The following PXDNL variants were observed in gnomAD, a reference collection of about 807,000 sequenced individuals.
PXDNL encodes peroxidasin like, also known as probable oxidoreductase PXDNL.
Under a neutral mutation model 150.8 loss-of-function variants are expected in PXDNL, and 145 were observed. The observed-to-expected ratio is 0.96, with a 90% CI of 0.84 to 1.10. The LOEUF (loss-of-function observed/expected upper bound fraction) is 1.10. PXDNL is among the 50% of genes least tolerant of loss of function. PXDNL has a pLI of 0.00. For missense variants in PXDNL, 2,087 were observed against 1,873.9 expected (o/e 1.11, Z -2.10); for synonymous variants, 757 against 725.7 (o/e 1.04, Z -0.69).
chr8:51,425,017 A>G (rs1023895136), intron 13 of PXDNL, among the ~76,000 whole-genome samples: 1 of 152,224 alleles, frequency 6.6e-6, no homozygotes, highest in Non-Finnish European at 1.5e-5. Flanking sequence ...TGCACAGGTC[A>G]CAGGGCCTAG....
chr8:51,780,364 T>C (rs2037398823), intron 1 of PXDNL, among the ~76,000 whole-genome samples: 1 of 152,174 alleles, frequency 6.6e-6, no homozygotes, highest in Non-Finnish European at 1.5e-5. Context: ...ATATATTTTC[T>C]CAAAGAAAAT....
chr8:51,608,700 G>A (rs747092753), intron 2 of PXDNL, among the ~76,000 whole-genome samples: 87 of 151,440 alleles, frequency 5.7e-4, no homozygotes, highest in Non-Finnish European at 1.0e-3. Flanking sequence ...AGCCGGGCGT[G>A]GTGGTGGGTG....
At chr8:51,745,180 C>T (rs2036969514) in intron 1 of PXDNL, among the ~76,000 whole-genome samples, 1 of 152,024 alleles carries the variant, frequency 6.6e-6, no homozygotes, top group Non-Finnish European at 1.5e-5. Flanking sequence ...ATACCAAGTG[C>T]CTATAAGATA....
chr8:51,355,577 A>G (rs1354265111), intron 19 of PXDNL, among the ~76,000 whole-genome samples: 39 of 152,168 alleles, frequency 2.6e-4, no homozygotes, highest in Admixed American at 2.5e-3. Context: ...CTTAGGTGTA[A>G]GTTTTTAATT....
chr8:51,772,237 TACACAC>T (rs139112734), intron 1 of PXDNL, among the ~76,000 whole-genome samples: 9 of 130,438 alleles, frequency 6.9e-5, no homozygotes, highest in Non-Finnish European at 1.4e-4. Flanking sequence ...TCTCTCTATA[TACACAC>T]ACACACACAC....
At chr8:51,455,956 G>A (rs901141827) in intron 9 of PXDNL, among the ~76,000 whole-genome samples, 6 of 152,028 alleles carry the variant, frequency 3.9e-5, no homozygotes, top group African/African-American at 1.4e-4. Flanking sequence ...TCAATCAATC[G>A]CTAACTCAAG....
At chr8:51,804,945 A>G (rs2037659909) in intron 1 of PXDNL, among the ~76,000 whole-genome samples, 2 of 151,312 alleles carry the variant, frequency 1.3e-5, no homozygotes, top group South Asian at 4.2e-4. Context: ...CATTGTCCCT[A>G]TGTCCATTCT....
chr8:51,581,674 AT>A (rs1333954068), intron 3 of PXDNL, among the ~76,000 whole-genome samples: 2 of 152,048 alleles, frequency 1.3e-5, no homozygotes, highest in Non-Finnish European at 2.9e-5. Flanking sequence ...CTGGCTTGCA[AT>A]TTTCTTTTCT....
chr8:51,563,605 G>T (rs949913524), intron 3 of PXDNL, among the ~76,000 whole-genome samples: 21 of 151,874 alleles, frequency 1.4e-4, no homozygotes, highest in African/African-American at 4.8e-4. Flanking sequence ...TACCCCAAAT[G>T]GTAAATTTAC....
intron 1 of PXDNL, among the ~76,000 whole-genome samples, chr8:51,686,380 A>G (rs778276911): frequency 6.6e-6 from 1 of 152,248 alleles, no homozygotes; most frequent in Non-Finnish European, 1.5e-5. Flanking sequence ...GAGTAACAGA[A>G]GCATGGAAGC....
intron 3 of PXDNL, among the ~76,000 whole-genome samples, chr8:51,565,321 A>AATAAATAAATAGATAGATAGATAG (rs569762504): frequency 3.5e-4 from 47 of 135,592 alleles, no homozygotes; most frequent in Admixed American, 1.1e-3. Context: ...TAAATAAATA[A>AATAAATAAATAGATAGATAGATAG]ATAGATAGAT....
chr8:51,610,428 A>C (rs1813976072), intron 2 of PXDNL, among the ~76,000 whole-genome samples: 1 of 152,236 alleles, frequency 6.6e-6, no homozygotes, highest in African/African-American at 2.4e-5. Flanking sequence ...ATTAGTATTC[A>C]GTCTTCAGGA....
In PXDNL at chr8:51,685,140, T is replaced by G. The variant is rs115611981; in HGVS notation, c.165-30380A>C. On this transcript the variant is annotated intron_variant, in intron 1 of 22. Coordinates refer to ENST00000356297, the MANE Select transcript of PXDNL (RefSeq NM_144651.5). Reference sequence around the variant, plus strand: ...ATGTGTCTCACTGTGCTGCTTTTATTCTCTTCCCTTCCTATTCTGATTATA... The same window carrying G: ...ATGTGTCTCACTGTGCTGCTTTTATGCTCTTCCCTTCCTATTCTGATTATA... Among the ~76,000 whole-genome samples, 762 of 152,318 alleles carry G rather than the reference T, an allele frequency of 5.0e-3. 3 individuals are homozygous for G. Among genetic ancestry groups the G allele is most frequent in the African/African-American group, 0.017 (715 of 41,570 alleles).
At chr8:51,513,632 T>G (rs72638044) in intron 4 of PXDNL, among the ~76,000 whole-genome samples, 22 of 152,336 alleles carry the variant, frequency 1.4e-4, no homozygotes, top group Non-Finnish European at 3.1e-4. Context: ...ATAAATATAT[T>G]TTCTCACAAT....
chr8:51,451,191 C>T (rs74499738), intron 10 of PXDNL, among the ~76,000 whole-genome samples: 7,536 of 151,702 alleles, frequency 0.05, 347 homozygotes, highest in East Asian at 0.23. Flanking sequence ...TTAAAGTTCA[C>T]GGTTAGCCAA....
intron 1 of PXDNL, among the ~76,000 whole-genome samples, chr8:51,689,071 C>A (rs904025588): frequency 3.9e-5 from 6 of 152,310 alleles, no homozygotes; most frequent in Non-Finnish European, 7.3e-5. Flanking sequence ...ACCCAACAGG[C>A]GCACTCCTGG....
chr8:51,435,898 A>G (rs919542073), intron 12 of PXDNL: 4 of 474,252 alleles, frequency 8.4e-6, no homozygotes, highest in African/African-American at 8.0e-5. Context: ...GATCGTAAGC[A>G]TAAATAATTT....
chr8:51,626,165 G>T (rs983262407), intron 2 of PXDNL, among the ~76,000 whole-genome samples: 1 of 152,112 alleles, frequency 6.6e-6, no homozygotes, highest in Non-Finnish European at 1.5e-5. Flanking sequence ...ATAATAACGA[G>T]AATGAACACA....
intron 1 of PXDNL, among the ~76,000 whole-genome samples, chr8:51,703,816 T>A (rs983960629): frequency 1.3e-5 from 2 of 152,254 alleles, no homozygotes; most frequent in Admixed American, 1.3e-4. Context: ...AAATTTGAGT[T>A]GCATAGTTTT....
Sources: gnomAD v4.1 joint callset for allele counts (sites outside exome capture counted in the v4.1 genomes callset) on GRCh38, gnomAD v4.1.1 for gene constraint, MANE v1.5 for transcripts, NCBI Gene and HGNC (gene_info 2026-07-23, HGNC 2026-07-21) for gene names.